The following TRMT6 variants were observed in gnomAD, a reference collection of about 807,000 sequenced individuals.
TRMT6 encodes tRNA (adenine(58)-N(1))-methyltransferase non-catalytic subunit TRM6.
Under a neutral mutation model 59.0 loss-of-function variants are expected in TRMT6, and 34 were observed. The observed-to-expected ratio is 0.58, with a 90% CI of 0.44 to 0.77. TRMT6 has a LOEUF of 0.77. TRMT6 is among the 30% of genes least tolerant of loss of function. TRMT6 has a pLI of 0.00. For synonymous variants in TRMT6, 217 were observed against 210.5 expected, an observed-to-expected ratio of 1.03 and a Z score of -0.27; for missense variants, 575 against 604.5, an observed-to-expected ratio of 0.95 and a Z score of 0.51.
At position 5,938,337 on chromosome 20, in the gene TRMT6, C is replaced by G. The variant is rs2088625064; in HGVS notation, c.*198G>C. 1 of 549,478 alleles carries G rather than the reference C, an allele frequency of 1.8e-6. No individual in the cohort carries two copies. Among genetic ancestry groups the G allele is most frequent in the Admixed American group, 3.2e-5 (1 of 31,674 alleles). 34.0% of individuals were successfully genotyped at this position (549,478 alleles called of 1,614,324 possible). On this transcript the variant is annotated 3_prime_UTR_variant, in exon 11 of 11. Transcript: ENST00000203001. Reference sequence around the variant, plus strand: ...AATGCAGTTGGTCATACTACATACCCCATGGTTGCAGTTTTGACAGACCAA... The same window carrying G: ...AATGCAGTTGGTCATACTACATACCGCATGGTTGCAGTTTTGACAGACCAA...
rs1296246559 is a variant in TRMT6 at position 5,937,342 on chromosome 20, T to C, written c.*1193A>G. Reference sequence around the variant, plus strand: ...TGGAAAAAAAATTTTTTTTCTGAGATGTTCCTTGCTGTATGATACAGGCCT... The same window carrying C: ...TGGAAAAAAAATTTTTTTTCTGAGACGTTCCTTGCTGTATGATACAGGCCT... On this transcript the variant is annotated 3_prime_UTR_variant, in exon 11 of 11. Transcript: ENST00000203001. 6.6e-6 allele frequency: 1 copy of C among 152,208 alleles called. No individual in the cohort carries two copies. Among genetic ancestry groups the C allele is most frequent in the Non-Finnish European group, 1.5e-5 (1 of 68,040 alleles). The allele number at this position is 152,208 out of a possible 1,614,324, so 9.4% of individuals were successfully genotyped here.
intron 8 of TRMT6, 146 bp from the exon 9 acceptor site, chr20:5,941,491 C>G (rs1007283738): frequency 1.5e-6 from 1 of 657,910 alleles, no homozygotes; most frequent in East Asian, 2.7e-5. Context: ...AAATCCAAAA[C>G]AGAATACAAT....
chr20:5,937,734 GTATA>G lies in TRMT6; in HGVS notation c.*797_*800del, dbSNP rs2088619793. On this transcript the variant is annotated 3_prime_UTR_variant, in exon 11 of 11. Coordinates refer to ENST00000203001, the MANE Select transcript of TRMT6 (RefSeq NM_015939.5). The stretch of plus-strand genomic sequence containing the variant: ...TCTATGTCTCCACTTGCATGTGTAT[GTATA>G]TATCTGTGTATATATAAATATATGT... 1 of 152,072 alleles carries G rather than the reference GTATA, an allele frequency of 6.6e-6. No homozygotes were observed. Among genetic ancestry groups the G allele is most frequent in the Non-Finnish European group, 1.5e-5 (1 of 68,018 alleles). 9.4% of individuals were successfully genotyped at this position (152,072 alleles called of 1,614,324 possible).
At chr20:5,948,627 GC>G (rs1340261263) in intron 1 of TRMT6, among the ~76,000 whole-genome samples, 2 of 152,006 alleles carry the variant, frequency 1.3e-5, no homozygotes, top group East Asian at 3.9e-4. Context: ...AATTACTTGA[GC>G]CCAGGAATTG....
At position 5,941,231 on chromosome 20, in the gene TRMT6, T is replaced by C; in HGVS notation, c.1215+12A>G. 6.2e-7 allele frequency: 1 copy of C among 1,612,128 alleles called. No individual in the cohort carries two copies. ...GACATAAGAATTCCTGCCCATTCCA[T>C]TCCAGTATTACCTCTTTGTACTGAC... On this transcript the variant is annotated intron_variant, in intron 9 of 10. Coordinates refer to ENST00000203001, the MANE Select transcript of TRMT6 (RefSeq NM_015939.5).
chr20:5,948,068 C>T (rs528095632), intron 1 of TRMT6, among the ~76,000 whole-genome samples: 78 of 152,120 alleles, frequency 5.1e-4, no homozygotes, highest in African/African-American at 1.8e-3. Context: ...TGCAGTGAGC[C>T]AAGTTCACGC....
chr20:5,945,412 C>G (rs560372656), intron 2 of TRMT6, among the ~76,000 whole-genome samples: 1 of 152,356 alleles, frequency 6.6e-6, no homozygotes, highest in East Asian at 1.9e-4. Context: ...GTCTGAGTGG[C>G]TGGATCCTTT....
chr20:5,937,640 T>TA lies in TRMT6; in HGVS notation c.*894dup, dbSNP rs1309318418. ...GTCTAAGTCCTGCACAAGACTTTGA[T>TA]ACAGTTCAAATAGACTGCACACTCT... On this transcript the variant is annotated 3_prime_UTR_variant, in exon 11 of 11. Coordinates refer to ENST00000203001, the MANE Select transcript of TRMT6 (RefSeq NM_015939.5). 3 of 152,068 alleles carry TA rather than the reference T, an allele frequency of 2.0e-5. No homozygotes were observed. The highest frequency in any genetic ancestry group is 7.2e-5 in the African/African-American group (3 of 41,456). 9.4% of individuals were successfully genotyped at this position (152,068 alleles called of 1,614,324 possible). A position where few individuals can be genotyped will look rare whatever the true frequency, so the allele number is the denominator to read the frequency against.
intron 4 of TRMT6, 64 bp downstream of exon 4, chr20:5,944,098 T>C: frequency 2.2e-6 from 3 of 1,376,518 alleles, no homozygotes; most frequent in East Asian, 5.1e-5. Context: ...TGTAATAAAA[T>C]GTATATTTTA....
In TRMT6 at chr20:5,944,250, T is replaced by C; in HGVS notation, c.370A>G (p.Ile124Val). 1 of 1,542,900 alleles carries C rather than the reference T, an allele frequency of 6.5e-7. No homozygotes were observed. The highest frequency in any genetic ancestry group is 8.8e-7 in the Non-Finnish European group (1 of 1,141,812). The change falls in exon 4 of 11, where the codon ATA becomes GTA. Residue 124 changes from isoleucine to valine, a missense_variant. Coordinates refer to ENST00000203001, the MANE Select transcript of TRMT6 (RefSeq NM_015939.5). ...CTATTTTCAATTAACTGCTGAACTA[T>C]TTCCTATAAGAAAAGGAGCAAGTAG... ...LKDKGIKGEE[I>V]VQQLIENSTT...
rs771375111 is a variant in TRMT6 at position 5,944,897 on chromosome 20, T to G, written c.274A>C (p.Thr92Pro). The G allele has an allele frequency of 2.5e-6, 4 of 1,613,382 alleles. No homozygotes were observed. Among genetic ancestry groups the G allele is most frequent in the Non-Finnish European group, 3.4e-6 (4 of 1,179,348 alleles). The change falls in exon 3 of 11, where the codon ACT (threonine) becomes CCT (proline). Residue 92 changes from threonine to proline, a missense_variant. Transcript: ENST00000203001. ...TCATCAACTATATTTCGATTATCAG[T>G]GCCCGCTTCTTTAGTCTCTAAGGAA... Reference protein sequence around the residue: ...EPTAETKEAGTDNRNIVDDGK... With the variant: ...EPTAETKEAGPDNRNIVDDGK...
intron 6 of TRMT6, 151 bp from the exon 7 acceptor site, chr20:5,942,937 G>C: frequency 1.5e-6 from 1 of 665,740 alleles, no homozygotes; most frequent in Non-Finnish European, 2.6e-6. Flanking sequence ...CAGGGAGTCT[G>C]TTTGGAGTCT....
At position 5,937,292 on chromosome 20, in the gene TRMT6, T is replaced by C. The variant is rs146200428; in HGVS notation, c.*1243A>G. Reference sequence around the variant, plus strand: ...AAGGACTCAAAATTGTACTTAGTAATCACATTGGCATAGCACATGCTATTT... The same window carrying C: ...AAGGACTCAAAATTGTACTTAGTAACCACATTGGCATAGCACATGCTATTT... On this transcript the variant is annotated 3_prime_UTR_variant, in exon 11 of 11. Coordinates refer to ENST00000203001, the MANE Select transcript of TRMT6 (RefSeq NM_015939.5). 1.4e-4 allele frequency: 22 copies of C among 152,362 alleles called. No individual in the cohort carries two copies. In the East Asian group the frequency reaches 3.9e-3, roughly 27 times the overall value. The allele number at this position is 152,362 out of a possible 1,614,324, so 9.4% of individuals were successfully genotyped here. A position where few individuals can be genotyped will look rare whatever the true frequency, so the allele number is the denominator to read the frequency against.
At position 5,938,685 on chromosome 20, in the gene TRMT6, T is replaced by C; in HGVS notation, c.1344A>G (p.Gly448=). 2 of 1,614,138 alleles carry C rather than the reference T, an allele frequency of 1.2e-6. No individual in the cohort carries two copies. The highest frequency in any genetic ancestry group is 8.5e-7 in the Non-Finnish European group (1 of 1,180,014). ...AGCCGGAGAGAAGATAACCCCCACCTCCACTCATCAGCAGTTTAGGATGAC... is the reference window on the plus strand; with the variant it reads ...AGCCGGAGAGAAGATAACCCCCACCCCCACTCATCAGCAGTTTAGGATGAC... The part of the protein sequence containing the change: ...DRSHPKLLMS[G]GGGYLLSGFT... The change falls in exon 11 of 11, where the codon GGA becomes GGG. Residue 448 remains glycine, a synonymous_variant. Coordinates refer to ENST00000203001, the MANE Select transcript of TRMT6 (RefSeq NM_015939.5).
In TRMT6 at chr20:5,942,654, T is replaced by G. The variant is rs369784222; in HGVS notation, c.800A>C (p.His267Pro). Residue 267 changes from histidine (H) to proline (P), a missense_variant, in exon 7 of 11, where the codon CAT (histidine) becomes CCT (proline). Physicochemically the swap from His to Pro is moderately conservative, Grantham distance 77. Transcript: ENST00000203001. ...FPLNKVDSLL[H>P]GTFSAKMLSS... is the part of the protein sequence containing the mutation. The stretch of plus-strand genomic sequence containing the variant: ...TAACATCTTGGCAGAAAATGTTCCA[T>G]GTAGAAGACTGTCCACTTTGTTGAG... 4.3e-6 allele frequency: 7 copies of G among 1,614,062 alleles called. No homozygotes were observed. The highest frequency in any genetic ancestry group is 5.9e-6 in the Non-Finnish European group (7 of 1,180,032).
intron 2 of TRMT6, 59 bp downstream of exon 2, chr20:5,946,347 T>G (rs1281483908): frequency 6.2e-7 from 1 of 1,608,154 alleles, no homozygotes; most frequent in Non-Finnish European, 8.5e-7. Context: ...AGGTGGAGGC[T>G]GAGATGTTTC....
At chr20:5,944,321 T>G in intron 3 of TRMT6, 68 bp from the exon 4 acceptor site, 14 of 970,240 alleles carry the variant, frequency 1.4e-5, no homozygotes, top group Non-Finnish European at 2.2e-5. Flanking sequence ...TTCCAAAGGC[T>G]TCTTACCCAA....
chr20:5,941,075 T>A lies in TRMT6; in HGVS notation c.1280A>T (p.Glu427Val). The A allele has an allele frequency of 6.2e-7, 1 of 1,614,214 alleles. No homozygotes were observed. The highest frequency in any genetic ancestry group is 8.5e-7 in the Non-Finnish European group (1 of 1,180,030). ...RGGVINLRLS[E>V]TWLRNYQVLP... ...TACCTGATAATTTCTGAGCCAGGTTTCAGACAGCCTGAGGTTGATGACCCC... is the reference window on the plus strand; with the variant it reads ...TACCTGATAATTTCTGAGCCAGGTTACAGACAGCCTGAGGTTGATGACCCC... Residue 427 changes from glutamate to valine, a missense_variant, in exon 10 of 11, where the codon GAA becomes GTA. Coordinates refer to ENST00000203001, the MANE Select transcript of TRMT6 (RefSeq NM_015939.5).
In TRMT6 at chr20:5,950,380, C is replaced by A. The variant is rs759613908; in HGVS notation, c.26G>T (p.Gly9Val). The change falls in exon 1 of 11, where the codon GGC becomes GTC. Residue 9 changes from glycine to valine, a missense_variant. Coordinates refer to ENST00000203001, the MANE Select transcript of TRMT6 (RefSeq NM_015939.5). MEGSGEQP[G>V]PQPQHPGDHR... ...GTCTCCGGGATGCTGTGGTTGTGGG[C>A]CCGGCTGCTCCCCTGAGCCCTCCAT... The A allele has an allele frequency of 4.4e-6, 7 of 1,605,842 alleles. No individual in the cohort carries two copies. The highest frequency in any genetic ancestry group is 5.1e-6 in the Non-Finnish European group (6 of 1,179,646).
Sources: allele counts gnomAD v4.1 joint callset (sites outside exome capture counted in the v4.1 genomes callset), GRCh38; gene constraint gnomAD v4.1.1; transcripts MANE v1.5; gene names NCBI Gene and HGNC (gene_info 2026-07-23, HGNC 2026-07-21).